YEATS2: variants seen among roughly 807,000 people sequenced by gnomAD.
YEATS2 encodes YEATS domain containing 2, also known as YEATS domain-containing protein 2.
Under a neutral mutation model 163.2 loss-of-function variants are expected in YEATS2, and 77 were observed. The ratio of observed to expected loss-of-function variants is 0.47; its 90% CI spans 0.39 to 0.57. The LOEUF (loss-of-function observed/expected upper bound fraction) is 0.57. Among genes scored for constraint, YEATS2 ranks in the 20% least tolerant of loss-of-function variants. YEATS2 has a pLI of 0.00. For missense variants in YEATS2, 1,549 were observed against 1,729.8 expected (o/e 0.90, Z 1.85); for synonymous variants, 631 against 645.1 (o/e 0.98, Z 0.33).
chr3:183,797,485 C>T (rs1044622275), intron 21 of YEATS2, among the ~76,000 whole-genome samples: 1 of 151,784 alleles, frequency 6.6e-6, no homozygotes, highest in African/African-American at 2.4e-5. Context: ...TTCAAGGTTA[C>T]AATGAGCTAT....
chr3:183,789,372 C>G (rs1360083360), intron 20 of YEATS2, among the ~76,000 whole-genome samples: 2 of 151,936 alleles, frequency 1.3e-5, no homozygotes, highest in African/African-American at 4.8e-5. Context: ...TATTAAAGTC[C>G]CAACTTACCT....
chr3:183,785,420 C>G (rs1192858551), intron 19 of YEATS2, among the ~76,000 whole-genome samples: 2 of 146,052 alleles, frequency 1.4e-5, no homozygotes, highest in Non-Finnish European at 3.0e-5. Flanking sequence ...ACCCGGGAGG[C>G]GGAGGTTGCA....
In YEATS2 at chr3:183,805,796, A is replaced by G. The variant is rs559499928; in HGVS notation, c.3785-1070A>G. Among the ~76,000 whole-genome samples the G allele has an allele frequency of 2.3e-4, 35 of 151,510 alleles. 2 individuals carry two copies. In the South Asian group the frequency reaches 5.7e-3, roughly 24 times the overall value. ...AGCGCAAAACCCTGTCCAAAAAAAA[A>G]AGGGGGGGCAAGTCCCAGTTTTGCC... On this transcript the variant is annotated intron_variant, in intron 27 of 30. Coordinates refer to ENST00000305135, the MANE Select transcript of YEATS2 (RefSeq NM_018023.5).
At chr3:183,747,829 G>C (rs561757367) in intron 9 of YEATS2, 113 bp downstream of exon 9, 1 of 907,918 alleles carries the variant, frequency 1.1e-6, no homozygotes, top group African/African-American at 1.7e-5. Context: ...ACCCAGGCTG[G>C]AGTGCAGTGG....
chr3:183,772,922 A>G (rs1449489023), intron 16 of YEATS2, among the ~76,000 whole-genome samples: 5 of 152,166 alleles, frequency 3.3e-5, no homozygotes. Flanking sequence ...CGTATAACCT[A>G]TGTACATCCT....
intron 8 of YEATS2, among the ~76,000 whole-genome samples, chr3:183,742,801 A>G (rs1255605852): frequency 6.6e-6 from 1 of 152,224 alleles, no homozygotes; most frequent in Non-Finnish European, 1.5e-5. Context: ...ATCTTTCATA[A>G]AAGGAAGTCA....
chr3:183,757,874 C>T (rs1216892528), intron 12 of YEATS2, among the ~76,000 whole-genome samples: 3 of 151,506 alleles, frequency 2.0e-5, no homozygotes, highest in Non-Finnish European at 4.4e-5. Flanking sequence ...TTCGAACATA[C>T]TTAAGGATGC....
At chr3:183,803,209 G>T in intron 25 of YEATS2, 47 bp from the exon 26 acceptor site, 1 of 1,591,212 alleles carries the variant, frequency 6.3e-7, no homozygotes, top group South Asian at 1.1e-5. Flanking sequence ...CGTGTGGTTG[G>T]AATCGTAAGA....
At chr3:183,706,581 C>A in intron 1 of YEATS2, among the ~76,000 whole-genome samples, 1 of 152,138 alleles carries the variant, frequency 6.6e-6, no homozygotes, top group East Asian at 1.9e-4. Flanking sequence ...CTGTGGGAGG[C>A]CAAGACGGGC....
intron 21 of YEATS2, among the ~76,000 whole-genome samples, chr3:183,791,851 G>C (rs1443385460): frequency 1.3e-5 from 2 of 152,200 alleles, no homozygotes; most frequent in Non-Finnish European, 2.9e-5. Context: ...TTGTTTCTGA[G>C]TAACAGAGAG....
At chr3:183,774,981 A>G (rs913920477) in intron 17 of YEATS2, among the ~76,000 whole-genome samples, 1 of 152,260 alleles carries the variant, frequency 6.6e-6, no homozygotes, top group African/African-American at 2.4e-5. Flanking sequence ...AGCTATTCCA[A>G]TAATCACTGG....
rs182096692 is a variant in YEATS2 at position 183,791,081 on chromosome 3, T to C, written c.3097+101T>C. 3.4e-4 allele frequency: 486 copies of C among 1,446,854 alleles called. 2 individuals are homozygous for C. The African/African-American group carries it at 6.0e-3, about 18-fold the overall frequency. 89.6% of individuals were successfully genotyped at this position (1,446,854 alleles called of 1,614,324 possible). On this transcript the variant is annotated intron_variant, in intron 21 of 30. Coordinates refer to ENST00000305135, the MANE Select transcript of YEATS2 (RefSeq NM_018023.5). ...TAGCGTCTCACTCTGTCGCCCAAGC[T>C]AGAGTGCAATATCACAATCTCGACT...
At chr3:183,726,422 A>G (rs896160759) in intron 6 of YEATS2, among the ~76,000 whole-genome samples, 2 of 152,240 alleles carry the variant, frequency 1.3e-5, no homozygotes, top group Non-Finnish European at 2.9e-5. Flanking sequence ...AGAGCCATGT[A>G]CTTGAACAGT....
At chr3:183,751,342 A>C (rs979301325) in intron 9 of YEATS2, among the ~76,000 whole-genome samples, 1 of 152,194 alleles carries the variant, frequency 6.6e-6, no homozygotes, top group Non-Finnish European at 1.5e-5. Flanking sequence ...CTTTGTAATA[A>C]ATTTTGAAAT....
At chr3:183,761,223 G>A (rs947078077) in intron 13 of YEATS2, among the ~76,000 whole-genome samples, 39 of 152,004 alleles carry the variant, frequency 2.6e-4, no homozygotes, top group Non-Finnish European at 4.4e-4. Flanking sequence ...AAGTAGCTGG[G>A]ATTACAGGCA....
At chr3:183,800,062 G>A (rs1577219113) in intron 23 of YEATS2, among the ~76,000 whole-genome samples, 1 of 152,172 alleles carries the variant, frequency 6.6e-6, no homozygotes, top group Admixed American at 6.5e-5. Context: ...TTGATCTCCT[G>A]ACCTCGTGAT....
At chr3:183,762,048 A>T in intron 14 of YEATS2, 49 bp from the exon 15 acceptor site, 1 of 1,612,076 alleles carries the variant, frequency 6.2e-7, no homozygotes, top group Non-Finnish European at 8.5e-7. Context: ...AGCTTTATAA[A>T]ATGGGATGTT....
intron 21 of YEATS2, among the ~76,000 whole-genome samples, chr3:183,794,777 T>A (rs1236401475): frequency 6.6e-6 from 1 of 152,124 alleles, no homozygotes; most frequent in African/African-American, 2.4e-5. Flanking sequence ...AAAGGGTATA[T>A]AAGTGCCGTA....
chr3:183,743,072 C>T (rs538074509), intron 8 of YEATS2, among the ~76,000 whole-genome samples: 10 of 152,302 alleles, frequency 6.6e-5, no homozygotes, highest in Admixed American at 2.6e-4. Flanking sequence ...TTTATAAGCA[C>T]TGGGAAACAG....
Sources: gnomAD v4.1 joint callset for allele counts (sites outside exome capture counted in the v4.1 genomes callset) on GRCh38, gnomAD v4.1.1 for gene constraint, MANE v1.5 for transcripts, NCBI Gene and HGNC (gene_info 2026-07-23, HGNC 2026-07-21) for gene names.